Variants in MTMR6 observed in about 807,000 individuals in gnomAD.
The protein encoded by MTMR6 is phosphatidylinositol-3,5-bisphosphate 3-phosphatase MTMR6.
Under a neutral mutation model 80.1 loss-of-function variants are expected in MTMR6, and 47 were observed. That is an observed-to-expected ratio of 0.59 (90% CI 0.46 to 0.75). The LOEUF (loss-of-function observed/expected upper bound fraction) is 0.75. Among genes scored for constraint, MTMR6 ranks in the 30% least tolerant of loss-of-function variants. The pLI, the probability that MTMR6 is intolerant of heterozygous loss-of-function variation, is 0.00. For missense variants in MTMR6, 629 were observed against 730.9 expected (o/e 0.86, Z 1.61); for synonymous variants, 254 against 253.0 (o/e 1.00, Z -0.04).
chr13:25,274,975 C>CACACACACACAT (rs1555250671), intron 1 of MTMR6, among the ~76,000 whole-genome samples: 2,298 of 143,580 alleles, frequency 0.016, 65 homozygotes, highest in African/African-American at 0.061. Flanking sequence ...CACACACACA[C>CACACACACACAT]ACACACACAC....
chr13:25,270,410 T>C (rs1317364492), intron 2 of MTMR6, among the ~76,000 whole-genome samples: 1 of 152,152 alleles, frequency 6.6e-6, no homozygotes, highest in African/African-American at 2.4e-5. Context: ...TAAGAAAGCA[T>C]TTAAAAGACA....
At chr13:25,281,063 C>T (rs1023733612) in intron 1 of MTMR6, among the ~76,000 whole-genome samples, 31 of 152,150 alleles carry the variant, frequency 2.0e-4, no homozygotes, top group African/African-American at 5.8e-4. Flanking sequence ...TAGTAGCTTA[C>T]GCTTGTAATC....
chr13:25,253,254 ACTGT>A (rs928781333), intron 11 of MTMR6, among the ~76,000 whole-genome samples: 4 of 152,210 alleles, frequency 2.6e-5, no homozygotes, highest in South Asian at 2.1e-4. Flanking sequence ...TCCCCAAAGA[ACTGT>A]CTGTTTAGAA....
At chr13:25,254,516 A>T in intron 9 of MTMR6, 82 bp from the exon 10 acceptor site, 1 of 955,520 alleles carries the variant, frequency 1.0e-6, no homozygotes, top group East Asian at 2.6e-5. Context: ...TTAGTTTAAA[A>T]ACAGTATTTA....
At chr13:25,260,171 C>CTT (rs1236544021) in intron 6 of MTMR6, among the ~76,000 whole-genome samples, 5 of 138,588 alleles carry the variant, frequency 3.6e-5, no homozygotes, top group Admixed American at 1.5e-4. Context: ...CCAGATAATT[C>CTT]TTTTTTTTTT....
intron 1 of MTMR6, among the ~76,000 whole-genome samples, chr13:25,285,904 T>C (rs1197841522): frequency 6.6e-6 from 1 of 152,168 alleles, no homozygotes; most frequent in African/African-American, 2.4e-5. Flanking sequence ...TTCGAACTGA[T>C]GCAGAAGGAA....
chr13:25,263,436 A>G (rs1163506957), intron 5 of MTMR6, among the ~76,000 whole-genome samples: 1 of 152,220 alleles, frequency 6.6e-6, no homozygotes, highest in Non-Finnish European at 1.5e-5. Context: ...GTGAAGCCCT[A>G]TACTCACAAA....
rs1042408947 is a variant in MTMR6 at position 25,251,430 on chromosome 13, C to T, written c.1605+219G>A. On this transcript the variant is annotated intron_variant, in intron 13 of 13. Coordinates refer to ENST00000381801, the MANE Select transcript of MTMR6 (RefSeq NM_004685.5). The surrounding 1 kb of genome is among the most constrained non-coding windows in gnomAD (Gnocchi z 4.1). ...GTACACAGATAGTTATTATGTTTAT[C>T]TATACGTTATGCTATATACTTCCGG... Among the ~76,000 whole-genome samples, 12 of 152,142 alleles carry T rather than the reference C, an allele frequency of 7.9e-5. No individual in the cohort carries two copies. Among genetic ancestry groups the T allele is most frequent in the Admixed American group, 2.0e-4 (3 of 15,284 alleles).
At chr13:25,253,514 C>T (rs951152698) in intron 11 of MTMR6, among the ~76,000 whole-genome samples, 6 of 152,182 alleles carry the variant, frequency 3.9e-5, no homozygotes, top group Admixed American at 6.5e-5. Context: ...TACTGAGCTT[C>T]ACACTTAACG....
chr13:25,250,966 G>C (rs1203409379), intron 13 of MTMR6, among the ~76,000 whole-genome samples: 1 of 151,934 alleles, frequency 6.6e-6, no homozygotes, highest in Non-Finnish European at 1.5e-5. Flanking sequence ...GTGAAGACTG[G>C]GTAAGAGTAT....
In MTMR6 at chr13:25,251,888, T is replaced by A; in HGVS notation, c.1443A>T (p.Thr481=). Residue 481 remains threonine, a synonymous_variant, in exon 12 of 14, where the codon ACA becomes ACT. Transcript: ENST00000381801. This position sits in a 1 kb window ranked among gnomAD's most constrained non-coding sequence, Gnocchi z 4.1. Reference sequence around the variant, plus strand: ...AAGATACTGTATTTGGCTCCAAAACTGTAAATCTGTGAGATTCGGAACTGT... The same window carrying A: ...AAGATACTGTATTTGGCTCCAAAACAGTAAATCTGTGAGATTCGGAACTGT... ...PLYSSESHRF[T]VLEPNTVSFN... 6.2e-7 allele frequency: 1 copy of A among 1,607,614 alleles called. No homozygotes were observed. Among genetic ancestry groups the A allele is most frequent in the East Asian group, 2.2e-5 (1 of 44,786 alleles).
intron 9 of MTMR6, among the ~76,000 whole-genome samples, chr13:25,255,804 G>A (rs1361692662): frequency 6.6e-6 from 1 of 152,168 alleles, no homozygotes; most frequent in African/African-American, 2.4e-5. Flanking sequence ...TTACAGGCGT[G>A]AGCCACTGCG....
Position 25,282,271 on chromosome 13 carries a change from C to T in MTMR6, c.24+4953G>A, listed in dbSNP as rs1481306786. Among the ~76,000 whole-genome samples the T allele has an allele frequency of 2.6e-5, 4 of 152,312 alleles. No homozygotes were observed. The South Asian group carries it at 8.3e-4, about 32-fold the overall frequency. ...CCTAACCACTCAATTTATAGCAGTC[C>T]TCCCTTAAACCCCCTCCTCAACCCT... On this transcript the variant is annotated intron_variant, in intron 1 of 13. Transcript: ENST00000381801.
chr13:25,271,985 T>C (rs1442113511), intron 2 of MTMR6, among the ~76,000 whole-genome samples: 1 of 152,164 alleles, frequency 6.6e-6, no homozygotes, highest in African/African-American at 2.4e-5. Flanking sequence ...GTAGTCAGTA[T>C]ACCAAACGAA....
intron 11 of MTMR6, among the ~76,000 whole-genome samples, chr13:25,253,508 G>A (rs1957130875): frequency 1.3e-5 from 2 of 152,154 alleles, no homozygotes; most frequent in African/African-American, 4.8e-5. Flanking sequence ...AAGATTTACT[G>A]AGCTTCACAC....
intron 2 of MTMR6, among the ~76,000 whole-genome samples, chr13:25,271,097 A>T (rs1427648546): frequency 6.6e-6 from 1 of 152,078 alleles, no homozygotes; most frequent in African/African-American, 2.4e-5. Flanking sequence ...TTGGTCTGCC[A>T]TTCCTCCCCC....
At chr13:25,257,958 A>G (rs912341116) in intron 7 of MTMR6, 113 bp from the exon 8 acceptor site, 9 of 622,634 alleles carry the variant, frequency 1.4e-5, no homozygotes, top group East Asian at 9.2e-5. Context: ...TAAACAGGCA[A>G]GACTCTATAA....
At chr13:25,270,565 C>T (rs139099959) in intron 2 of MTMR6, among the ~76,000 whole-genome samples, 9 of 152,102 alleles carry the variant, frequency 5.9e-5, no homozygotes, top group Non-Finnish European at 8.8e-5. Context: ...AGCAAGTGGA[C>T]AAAGGAGGGG....
intron 2 of MTMR6, among the ~76,000 whole-genome samples, chr13:25,272,860 T>C (rs987623738): frequency 3.3e-5 from 5 of 152,182 alleles, no homozygotes; most frequent in African/African-American, 1.2e-4. Context: ...GTTGATTCCA[T>C]AGCTTTGCTA....
Sources: allele counts gnomAD v4.1 joint callset (sites outside exome capture counted in the v4.1 genomes callset), GRCh38; gene constraint gnomAD v4.1.1; non-coding constraint Gnocchi (gnomAD v3.1); transcripts MANE v1.5; gene names NCBI Gene and HGNC (gene_info 2026-07-23, HGNC 2026-07-21).